Variants in ARHGAP18 observed in about 807,000 individuals in gnomAD.
ARHGAP18 encodes rho GTPase-activating protein 18.
Under a neutral mutation model 86.2 loss-of-function variants are expected in ARHGAP18, and 67 were observed. The observed-to-expected ratio is 0.78, with a 90% confidence interval of 0.64 to 0.95. ARHGAP18 has a LOEUF of 0.95. Among genes scored for constraint, ARHGAP18 ranks in the 40% least tolerant of loss-of-function variants. The pLI is 0.00. For synonymous variants in ARHGAP18, 283 were observed against 280.4 expected, an observed-to-expected ratio of 1.01 and a Z score of -0.09; for missense variants, 691 against 780.4, an observed-to-expected ratio of 0.89 and a Z score of 1.37.
At chr6:129,584,688 T>C (rs575603110) in intron 12 of ARHGAP18, among the ~76,000 whole-genome samples, 2 of 152,366 alleles carry the variant, frequency 1.3e-5, no homozygotes, top group East Asian at 3.9e-4. Flanking sequence ...AAACATTTTA[T>C]GGATTCGAGG....
chr6:129,583,871 T>C, intron 13 of ARHGAP18, 117 bp downstream of exon 13: 1 of 1,318,010 alleles, frequency 7.6e-7, no homozygotes, highest in East Asian at 2.4e-5. Context: ...AAGCATTTCA[T>C]ACTACCCCAC....
intron 12 of ARHGAP18, among the ~76,000 whole-genome samples, chr6:129,584,508 A>G (rs1038000515): frequency 1.3e-5 from 2 of 152,322 alleles, no homozygotes; most frequent in East Asian, 3.9e-4. Flanking sequence ...CTTCCTGGAC[A>G]TTCACAAAAT....
At chr6:129,701,240 C>A (rs886642597) in intron 1 of ARHGAP18, among the ~76,000 whole-genome samples, 2 of 152,134 alleles carry the variant, frequency 1.3e-5, no homozygotes, top group Admixed American at 1.3e-4. Flanking sequence ...TCATGATTAA[C>A]TTTGCGAAGC....
chr6:129,690,980 C>T lies in ARHGAP18; in HGVS notation c.113+19044G>A, dbSNP rs139843569. Reference sequence around the variant, plus strand: ...AAATGCTACTCGAATGCAAAATCACCCCATAACAATTGTTTTGCATCTCAA... The same window carrying T: ...AAATGCTACTCGAATGCAAAATCACTCCATAACAATTGTTTTGCATCTCAA... On this transcript the variant is annotated intron_variant, in intron 1 of 14. Transcript: ENST00000368149. Among the ~76,000 whole-genome samples the T allele has an allele frequency of 7.0e-4, 106 of 152,204 alleles. 1 individual carries two copies. The East Asian group carries it at 0.015, about 22-fold the overall frequency.
chr6:129,604,209 C>G (rs1467442428), intron 10 of ARHGAP18, among the ~76,000 whole-genome samples: 2 of 150,202 alleles, frequency 1.3e-5, no homozygotes, highest in East Asian at 4.1e-4. Context: ...TACTCCCCCC[C>G]CCCTTAATTA....
intron 1 of ARHGAP18, among the ~76,000 whole-genome samples, chr6:129,693,780 A>T (rs1419747510): frequency 6.6e-6 from 1 of 152,194 alleles, no homozygotes; most frequent in Admixed American, 6.5e-5. Context: ...CCTGAGTTTT[A>T]AGATGAGGAT....
intron 10 of ARHGAP18, among the ~76,000 whole-genome samples, chr6:129,603,122 G>A (rs368800445): frequency 5.9e-5 from 9 of 151,968 alleles, no homozygotes; most frequent in Non-Finnish European, 1.2e-4. Flanking sequence ...TACCCAATAT[G>A]CAGTCTTTTA....
intron 1 of ARHGAP18, among the ~76,000 whole-genome samples, chr6:129,708,403 G>T (rs542676373): frequency 3.3e-5 from 5 of 152,232 alleles, no homozygotes; most frequent in Admixed American, 3.3e-4. Context: ...GGCAGAGAAT[G>T]ATCTGATCCT....
intron 1 of ARHGAP18, 132 bp downstream of exon 1, chr6:129,709,892 G>A: frequency 3.0e-6 from 2 of 676,008 alleles, no homozygotes; most frequent in Non-Finnish European, 5.1e-6. Flanking sequence ...GCCAAACGTT[G>A]CTACTGCTGC....
chr6:129,608,867 C>T (rs1357156215), intron 8 of ARHGAP18, among the ~76,000 whole-genome samples: 1 of 152,064 alleles, frequency 6.6e-6, no homozygotes, highest in African/African-American at 2.4e-5. Flanking sequence ...GGCAAATTAC[C>T]ACATTTTCTC....
intron 10 of ARHGAP18, among the ~76,000 whole-genome samples, chr6:129,601,793 A>AT (rs1788752077): frequency 6.6e-6 from 1 of 151,298 alleles, no homozygotes; most frequent in African/African-American, 2.4e-5. Flanking sequence ...TGCCTGGCTA[A>AT]TTTTTTTGAT....
In ARHGAP18 at chr6:129,591,914, C is replaced by G. The variant is rs539699863; in HGVS notation, c.1713+7302G>C. Among the ~76,000 whole-genome samples, 22 of 152,264 alleles carry G rather than the reference C, an allele frequency of 1.4e-4. No homozygotes were observed. In the South Asian group the frequency reaches 3.5e-3, roughly 24 times the overall value. On this transcript the variant is annotated intron_variant, in intron 12 of 14. Coordinates refer to ENST00000368149, the MANE Select transcript of ARHGAP18 (RefSeq NM_033515.3). ...ATCACCCTAGTCTGAACTGACAATACTGGGAAGTGGTGATATAAAAGGAAT... is the reference window on the plus strand; with the variant it reads ...ATCACCCTAGTCTGAACTGACAATAGTGGGAAGTGGTGATATAAAAGGAAT...
At chr6:129,589,133 T>C (rs1168008581) in intron 12 of ARHGAP18, among the ~76,000 whole-genome samples, 1 of 152,210 alleles carries the variant, frequency 6.6e-6, no homozygotes, top group Non-Finnish European at 1.5e-5. Context: ...ATTGTCTTGG[T>C]GATTAACATT....
At chr6:129,648,584 C>A (rs1386802755) in intron 1 of ARHGAP18, among the ~76,000 whole-genome samples, 1 of 151,136 alleles carries the variant, frequency 6.6e-6, no homozygotes, top group Non-Finnish European at 1.5e-5. Flanking sequence ...CCAGCCTGGG[C>A]AACTAATAAG....
At chr6:129,678,281 C>T (rs1774269983) in intron 1 of ARHGAP18, among the ~76,000 whole-genome samples, 1 of 152,176 alleles carries the variant, frequency 6.6e-6, no homozygotes, top group Non-Finnish European at 1.5e-5. Context: ...CATATCTGAA[C>T]TTAAATGCAT....
At chr6:129,691,807 G>T (rs1320638440) in intron 1 of ARHGAP18, among the ~76,000 whole-genome samples, 4 of 152,086 alleles carry the variant, frequency 2.6e-5, no homozygotes, top group Non-Finnish European at 5.9e-5. Flanking sequence ...GGCTTCTGAG[G>T]GGCAACATCT....
In ARHGAP18 at chr6:129,629,349, G is replaced by A. The variant is rs377681000; in HGVS notation, c.786+4C>T. On this transcript the variant is annotated splice_donor_region_variant and intron_variant, in intron 5 of 14. Coordinates refer to ENST00000368149, the MANE Select transcript of ARHGAP18 (RefSeq NM_033515.3). ...TGTATATTTATAAAGAGTGTACTAC[G>A]TACAGGTAATGTGGCATCATCGCCT... The A allele has an allele frequency of 4.0e-5, 65 of 1,612,444 alleles. No individual in the cohort carries two copies. The highest frequency in any genetic ancestry group is 9.4e-5 in the African/African-American group (7 of 74,664).
chr6:129,586,955 A>G (rs1488107843), intron 12 of ARHGAP18, among the ~76,000 whole-genome samples: 1 of 152,210 alleles, frequency 6.6e-6, no homozygotes, highest in Non-Finnish European at 1.5e-5. Flanking sequence ...GTCAAAAGGA[A>G]TCTCTTCATT....
chr6:129,609,296 C>A lies in ARHGAP18; in HGVS notation c.1123-1244G>T, dbSNP rs368761813. ...ATTATTTATAATGGACCAGCTGCTG[C>A]ATAATTTGGCATATGACAACAGGCT... On this transcript the variant is annotated intron_variant, in intron 8 of 14. Coordinates refer to ENST00000368149, the MANE Select transcript of ARHGAP18 (RefSeq NM_033515.3). Among the ~76,000 whole-genome samples the A allele has an allele frequency of 8.4e-4, 128 of 152,256 alleles. 1 individual carries two copies. The South Asian group carries it at 0.026, about 31-fold the overall frequency.
Sources: gnomAD v4.1 joint callset for allele counts (sites outside exome capture counted in the v4.1 genomes callset) on GRCh38, gnomAD v4.1.1 for gene constraint, MANE v1.5 for transcripts, NCBI Gene and HGNC (gene_info 2026-07-23, HGNC 2026-07-21) for gene names.